CRY1: variants seen among roughly 807,000 people sequenced by gnomAD.
The protein encoded by CRY1 is cryptochrome circadian regulator 1, also known as cryptochrome-1.
In CRY1, 45 loss-of-function variants were observed where a neutral mutation model predicts 76.0. The ratio of observed to expected loss-of-function variants is 0.59; its 90% CI spans 0.47 to 0.76. The LOEUF (loss-of-function observed/expected upper bound fraction) is 0.76, where lower values mean the gene tolerates loss of function less well. CRY1 is among the 30% of genes least tolerant of loss of function. CRY1 has a pLI of 0.00. For synonymous variants in CRY1, 248 were observed against 244.0 expected (o/e 1.02, Z -0.15); for missense variants, 587 against 716.4 (o/e 0.82, Z 2.06).
intron 1 of CRY1, among the ~76,000 whole-genome samples, chr12:107,039,125 C>CA (rs942723820): frequency 5.3e-5 from 8 of 151,600 alleles, no homozygotes; most frequent in Admixed American, 1.3e-4. Flanking sequence ...AACTCCACCT[C>CA]AAAAAAAATA....
intron 2 of CRY1, among the ~76,000 whole-genome samples, chr12:107,017,455 G>A (rs1317099615): frequency 5.9e-5 from 9 of 152,226 alleles, no homozygotes; most frequent in African/African-American, 1.4e-4. Context: ...TCATGAGGCT[G>A]CAATTCGCTG....
chr12:107,000,168 GT>G, intron 5 of CRY1, 86 bp from the exon 6 acceptor site: 1 of 1,323,202 alleles, frequency 7.6e-7, no homozygotes, highest in Non-Finnish European at 1.0e-6. Flanking sequence ...TTTTTTTAAA[GT>G]TACATAGTTC....
chr12:107,053,831 G>A (rs1325780361), intron 1 of CRY1, among the ~76,000 whole-genome samples: 1 of 152,070 alleles, frequency 6.6e-6, no homozygotes, highest in Non-Finnish European at 1.5e-5. Flanking sequence ...TTTAAAATTA[G>A]ACAAAAAGAA....
chr12:107,049,392 T>C (rs1952890528), intron 1 of CRY1, among the ~76,000 whole-genome samples: 1 of 152,218 alleles, frequency 6.6e-6, no homozygotes. Flanking sequence ...TTGTTTGTTT[T>C]GGGATGGGGT....
At chr12:107,029,586 G>A (rs562032439) in intron 1 of CRY1, among the ~76,000 whole-genome samples, 5 of 139,462 alleles carry the variant, frequency 3.6e-5, no homozygotes, top group South Asian at 2.3e-4. Flanking sequence ...CAGCCTGGGC[G>A]ACAGAGTGAG....
intron 5 of CRY1, 27 bp from the exon 6 acceptor site, chr12:107,000,109 T>C (rs1170063475): frequency 6.4e-7 from 1 of 1,555,500 alleles, no homozygotes; most frequent in Non-Finnish European, 8.6e-7. Flanking sequence ...AAAATTATAT[T>C]AACTAATTGT....
chr12:107,062,135 C>T (rs759715355), intron 1 of CRY1, among the ~76,000 whole-genome samples: 1 of 150,476 alleles, frequency 6.6e-6, no homozygotes, highest in Non-Finnish European at 1.5e-5. Context: ...ATTCCGGAAA[C>T]TAAAAAGTCA....
At chr12:107,012,364 A>C (rs903198581) in intron 2 of CRY1, among the ~76,000 whole-genome samples, 9 of 152,236 alleles carry the variant, frequency 5.9e-5, no homozygotes, top group Admixed American at 5.9e-4. Flanking sequence ...CTGCCTGTGC[A>C]GAACAGGAAC....
intron 3 of CRY1, among the ~76,000 whole-genome samples, chr12:107,002,694 C>T (rs1047846726): frequency 1.3e-5 from 2 of 152,170 alleles, no homozygotes; most frequent in Admixed American, 6.5e-5. Context: ...GCTGTGCCCC[C>T]ACCAAAATCT....
chr12:107,025,967 T>C (rs955854478), intron 1 of CRY1, among the ~76,000 whole-genome samples: 9 of 150,668 alleles, frequency 6.0e-5, no homozygotes, highest in Non-Finnish European at 8.8e-5. Flanking sequence ...TCCTATCCCT[T>C]TAAGTTCATA....
intron 2 of CRY1, among the ~76,000 whole-genome samples, chr12:107,020,066 GCTTTC>G (rs1952537102): frequency 6.6e-6 from 1 of 151,732 alleles, no homozygotes; most frequent in Non-Finnish European, 1.5e-5. Context: ...CTTCTGATAT[GCTTTC>G]TTGTTAGAAC....
At chr12:107,069,599 A>T (rs1327778088) in intron 1 of CRY1, among the ~76,000 whole-genome samples, 1 of 40,556 alleles carries the variant, frequency 2.5e-5, no homozygotes, top group African/African-American at 4.7e-5. Context: ...ATATATATAT[A>T]AAGTATATAT....
At chr12:107,065,686 CT>C (rs1315539348) in intron 1 of CRY1, among the ~76,000 whole-genome samples, 9 of 152,146 alleles carry the variant, frequency 5.9e-5, no homozygotes, top group African/African-American at 1.9e-4. Flanking sequence ...TAAGAATAAT[CT>C]GGCACTGGTG....
intron 1 of CRY1, among the ~76,000 whole-genome samples, chr12:107,067,719 G>A (rs909142646): frequency 1.3e-5 from 2 of 152,186 alleles, no homozygotes; most frequent in Admixed American, 1.3e-4. Flanking sequence ...ATGGGGGGAA[G>A]AAGGTGTTGG....
At chr12:107,039,559 T>C (rs368801849) in intron 1 of CRY1, among the ~76,000 whole-genome samples, 1 of 152,292 alleles carries the variant, frequency 6.6e-6, no homozygotes, top group South Asian at 2.1e-4. Context: ...CCAACAGGTA[T>C]ATGAAATGAT....
At chr12:107,049,615 T>C (rs1421674522) in intron 1 of CRY1, among the ~76,000 whole-genome samples, 1 of 152,178 alleles carries the variant, frequency 6.6e-6, no homozygotes, top group African/African-American at 2.4e-5. Context: ...TGACCTCAAG[T>C]GATCTCCCTA....
intron 2 of CRY1, among the ~76,000 whole-genome samples, chr12:107,017,995 G>A (rs1410767064): frequency 6.6e-6 from 1 of 152,142 alleles, no homozygotes; most frequent in Admixed American, 6.5e-5. Flanking sequence ...TTCCACTACA[G>A]TGTAAGCACC....
At chr12:107,036,450 T>C (rs554156991) in intron 1 of CRY1, among the ~76,000 whole-genome samples, 5 of 152,322 alleles carry the variant, frequency 3.3e-5, no homozygotes, top group Non-Finnish European at 4.4e-5. Flanking sequence ...ACTGGCCTTC[T>C]ATCTGATCTC....
chr12:107,068,312 CT>C lies in CRY1; in HGVS notation c.158+24491del, dbSNP rs1174277604. 2.6e-5 allele frequency among the ~76,000 whole-genome samples: 4 copies of C among 152,104 alleles called. No homozygotes were observed. In the East Asian group the frequency reaches 7.7e-4, roughly 29 times the overall value. ...TATAATACAAAACTAATAATTTTTT[CT>C]TTGAGACAGCGTCTCACTCTTTTGC... On this transcript the variant is annotated intron_variant, in intron 1 of 12. Coordinates refer to ENST00000008527, the MANE Select transcript of CRY1 (RefSeq NM_004075.5).
Sources: allele counts gnomAD v4.1 joint callset (sites outside exome capture counted in the v4.1 genomes callset), GRCh38; gene constraint gnomAD v4.1.1; transcripts MANE v1.5; gene names NCBI Gene and HGNC (gene_info 2026-07-23, HGNC 2026-07-21).